Variants in GRAMD1B observed in about 807,000 individuals in gnomAD.
GRAMD1B encodes the protein GRAM domain containing 1B, also known as protein Aster-B.
Under a neutral mutation model 99.7 loss-of-function variants are expected in GRAMD1B, and 37 were observed. That is an observed-to-expected ratio of 0.37 (90% CI 0.29 to 0.49). The LOEUF is 0.49. Ranked by LOEUF, GRAMD1B falls within the 20% of genes least tolerant of loss-of-function variation. The pLI is 0.98. For synonymous variants in GRAMD1B, 427 were observed against 387.6 expected (o/e 1.10, Z -1.19); for missense variants, 888 against 1,009.2 (o/e 0.88, Z 1.63).
chr11:123,493,541 A>G (rs549869117), intron 2 of GRAMD1B, among the ~76,000 whole-genome samples: 2 of 152,290 alleles, frequency 1.3e-5, no homozygotes, highest in Admixed American at 1.3e-4. Flanking sequence ...TCCTGGTGAG[A>G]GACAGCTGCC....
chr11:123,446,939 G>T (rs1949671403), intron 1 of GRAMD1B, among the ~76,000 whole-genome samples: 1 of 151,734 alleles, frequency 6.6e-6, no homozygotes, highest in African/African-American at 2.4e-5. Context: ...AGGAAAGAAA[G>T]AAAAAGAAAG....
intron 1 of GRAMD1B, among the ~76,000 whole-genome samples, chr11:123,404,620 C>T (rs1947789566): frequency 6.6e-6 from 1 of 152,224 alleles, no homozygotes; most frequent in South Asian, 2.1e-4. Flanking sequence ...ACTCTTCTGC[C>T]TCCCAACTTC....
intron 1 of GRAMD1B, among the ~76,000 whole-genome samples, chr11:123,423,510 A>G (rs1948533249): frequency 6.6e-6 from 1 of 152,178 alleles, no homozygotes; most frequent in African/African-American, 2.4e-5. Flanking sequence ...ATTTCTGGAA[A>G]GGGCAGTCTA....
chr11:123,566,117 C>T (rs1036636296), intron 2 of GRAMD1B, among the ~76,000 whole-genome samples: 4 of 152,134 alleles, frequency 2.6e-5, no homozygotes, highest in African/African-American at 9.7e-5. Flanking sequence ...TTATAGGAAG[C>T]TCTTTACTTT....
chr11:123,419,454 A>G (rs1220729194), intron 1 of GRAMD1B, among the ~76,000 whole-genome samples: 1 of 152,172 alleles, frequency 6.6e-6, no homozygotes, highest in Non-Finnish European at 1.5e-5. Flanking sequence ...ACATAGCCAG[A>G]CCCTGTGTCT....
intron 2 of GRAMD1B, among the ~76,000 whole-genome samples, chr11:123,528,666 G>A (rs1462961591): frequency 6.6e-6 from 1 of 152,044 alleles, no homozygotes; most frequent in Non-Finnish European, 1.5e-5. Flanking sequence ...TTTCCGCTCT[G>A]TGTAATGCCG....
At chr11:123,589,642 AG>A (rs1950448240) in intron 4 of GRAMD1B, among the ~76,000 whole-genome samples, 2 of 139,476 alleles carry the variant, frequency 1.4e-5, no homozygotes, top group African/African-American at 5.2e-5. Context: ...ATATATTTGT[AG>A]TAGAGACGGG....
At chr11:123,622,472 A>G in intron 19 of GRAMD1B, 34 bp from the exon 20 acceptor site, 1 of 1,329,214 alleles carries the variant, frequency 7.5e-7, no homozygotes, top group Admixed American at 2.0e-5. Flanking sequence ...AAAAGCGCAG[A>G]CCCAGGCCTG....
At chr11:123,549,604 A>G (rs1459086993) in intron 2 of GRAMD1B, among the ~76,000 whole-genome samples, 2 of 152,148 alleles carry the variant, frequency 1.3e-5, no homozygotes, top group Non-Finnish European at 2.9e-5. Context: ...CATCTAAGTC[A>G]TCTTAGACCA....
chr11:123,391,715 C>G (rs774577343), intron 1 of GRAMD1B, among the ~76,000 whole-genome samples: 3 of 152,210 alleles, frequency 2.0e-5, no homozygotes, highest in Non-Finnish European at 4.4e-5. Flanking sequence ...CTTGGCCCCC[C>G]AAAGTGCTGG....
Position 123,461,591 on chromosome 11 carries a change from C to G in GRAMD1B, c.375-19225C>G, listed in dbSNP as rs1411908614. 1.1e-3 allele frequency among the ~76,000 whole-genome samples: 165 copies of G among 152,300 alleles called. 1 individual carries two copies. Among genetic ancestry groups the G allele is most frequent in the Non-Finnish European group, 1.2e-4 (8 of 68,024 alleles). On this transcript the variant is annotated intron_variant, in intron 1 of 19. Coordinates refer to ENST00000635736, the MANE Select transcript of GRAMD1B (RefSeq NM_001387025.1). ...TCCCCAGCTGGTTGTTGAGACAGCT[C>G]TACTTTTTGTTGTTGTTGTTGTTTT...
At chr11:123,562,279 A>T (rs922097876) in intron 2 of GRAMD1B, among the ~76,000 whole-genome samples, 10 of 152,192 alleles carry the variant, frequency 6.6e-5, no homozygotes, top group Admixed American at 6.5e-4. Flanking sequence ...TCTTCTGCTG[A>T]CAGGAGCAAG....
At chr11:123,617,944 CT>C (rs1339083784) in intron 17 of GRAMD1B, among the ~76,000 whole-genome samples, 1 of 152,192 alleles carries the variant, frequency 6.6e-6, no homozygotes, top group East Asian at 1.9e-4. Flanking sequence ...AAACCTCAGC[CT>C]GTCTGCATGA....
Position 123,494,227 on chromosome 11 carries a change from A to G in GRAMD1B, c.452+13334A>G, listed in dbSNP as rs147798211. 1.0e-3 allele frequency among the ~76,000 whole-genome samples: 155 copies of G among 152,306 alleles called. 1 individual carries two copies. The highest frequency in any genetic ancestry group is 1.9e-3 in the South Asian group (9 of 4,822). On this transcript the variant is annotated intron_variant, in intron 2 of 19. Transcript: ENST00000635736. Reference sequence around the variant, plus strand: ...TTGTTAATGCTGACATTCTAGGATCATGGAATTTCGTGACTGTAGCCCAAA... The same window carrying G: ...TTGTTAATGCTGACATTCTAGGATCGTGGAATTTCGTGACTGTAGCCCAAA...
intron 4 of GRAMD1B, among the ~76,000 whole-genome samples, chr11:123,588,194 G>A (rs1950258488): frequency 6.6e-6 from 1 of 152,032 alleles, no homozygotes; most frequent in African/African-American, 2.4e-5. Flanking sequence ...ATGCCCCACC[G>A]AAATCCATCT....
At chr11:123,600,683 A>T in intron 8 of GRAMD1B, 135 bp downstream of exon 8, 1 of 582,430 alleles carries the variant, frequency 1.7e-6, no homozygotes, top group Non-Finnish European at 3.0e-6. Flanking sequence ...TGAAAGTAGC[A>T]TATAATCTCC....
Position 123,610,120 on chromosome 11 carries a change from G to T in GRAMD1B, c.1777-76G>T. ...GAAGCCGTGGGGTGGGGTGGGCTTG[G>T]GGAGGCTGGAGAAGGTGCTTTTCCA... On this transcript the variant is annotated intron_variant, in intron 13 of 19. Coordinates refer to ENST00000635736, the MANE Select transcript of GRAMD1B (RefSeq NM_001387025.1). This position sits in a 1 kb window ranked among gnomAD's most constrained non-coding sequence, Gnocchi z 4.1. The T allele has an allele frequency of 7.0e-7, 1 of 1,432,206 alleles. No homozygotes were observed. Among genetic ancestry groups the T allele is most frequent in the East Asian group, 2.3e-5 (1 of 42,628 alleles). The allele number at this position is 1,432,206 out of a possible 1,614,324, so 88.7% of individuals were successfully genotyped here. A position where few individuals can be genotyped will look rare whatever the true frequency, so the allele number is the denominator to read the frequency against.
intron 1 of GRAMD1B, among the ~76,000 whole-genome samples, chr11:123,437,720 T>C (rs995176182): frequency 1.3e-5 from 2 of 152,198 alleles, no homozygotes; most frequent in African/African-American, 4.8e-5. Flanking sequence ...AGGTCATCTC[T>C]CTGGTGCCAG....
At chr11:123,432,812 G>A (rs920821587) in intron 1 of GRAMD1B, among the ~76,000 whole-genome samples, 4 of 152,098 alleles carry the variant, frequency 2.6e-5, no homozygotes, top group Non-Finnish European at 5.9e-5. Context: ...GTGTCTTTGC[G>A]GGGTGGGGAC....
Sources: gnomAD v4.1 joint callset for allele counts (sites outside exome capture counted in the v4.1 genomes callset) on GRCh38, gnomAD v4.1.1 for gene constraint, Gnocchi (gnomAD v3.1) non-coding constraint, MANE v1.5 for transcripts, NCBI Gene and HGNC (gene_info 2026-07-23, HGNC 2026-07-21) for gene names.